Variants in GRID2 observed in about 807,000 individuals in gnomAD.
GRID2 encodes glutamate ionotropic receptor delta type subunit 2.
A neutral mutation model predicts 114.8 loss-of-function variants in GRID2; 33 were observed. The ratio of observed to expected loss-of-function variants is 0.29; its 90% CI spans 0.22 to 0.38. The LOEUF (loss-of-function observed/expected upper bound fraction) is 0.38, where lower values mean the gene tolerates loss of function less well. Ranked by LOEUF, GRID2 falls within the 10% of genes least tolerant of loss-of-function variation. The pLI, the probability that GRID2 is intolerant of heterozygous loss-of-function variation, is 1.00. For synonymous variants in GRID2, 505 were observed against 449.9 expected, an observed-to-expected ratio of 1.12 and a Z score of -1.55; for missense variants, 1,184 against 1,257.7, an observed-to-expected ratio of 0.94 and a Z score of 0.89.
intron 10 of GRID2, among the ~76,000 whole-genome samples, chr4:93,444,718 A>G (rs1166730224): frequency 1.3e-5 from 2 of 152,014 alleles, no homozygotes; most frequent in African/African-American, 4.8e-5. Context: ...AGTGACAAAA[A>G]TAATTATTGC....
At chr4:93,369,349 C>T (rs1260385766) in intron 8 of GRID2, among the ~76,000 whole-genome samples, 1 of 152,202 alleles carries the variant, frequency 6.6e-6, no homozygotes, top group African/African-American at 2.4e-5. Flanking sequence ...ACTCTCCCCT[C>T]TCAATACTTA....
intron 14 of GRID2, among the ~76,000 whole-genome samples, chr4:93,743,608 A>G (rs933057346): frequency 6.6e-6 from 1 of 152,292 alleles, no homozygotes; most frequent in South Asian, 2.1e-4. Flanking sequence ...TTCCATGGTG[A>G]GAGAGGAAGC....
chr4:93,031,492 C>T (rs551018921), intron 2 of GRID2, among the ~76,000 whole-genome samples: 69 of 152,302 alleles, frequency 4.5e-4, no homozygotes, highest in Non-Finnish European at 8.5e-4. Context: ...TGTGTTCCCA[C>T]CCAAATCTCA....
At chr4:93,591,414 C>T (rs867093283) in intron 13 of GRID2, among the ~76,000 whole-genome samples, 3,312 of 150,812 alleles carry the variant, frequency 0.022, 59 homozygotes, top group East Asian at 0.067. Flanking sequence ...GCCCACTTGA[C>T]CATGGTGGAT....
chr4:93,091,796 A>G (rs1195461906), intron 3 of GRID2, among the ~76,000 whole-genome samples: 6 of 152,136 alleles, frequency 3.9e-5, no homozygotes. Flanking sequence ...CCAGAATCAT[A>G]TCAATAAAAC....
At chr4:93,287,741 C>T (rs947388178) in intron 8 of GRID2, among the ~76,000 whole-genome samples, 1 of 152,156 alleles carries the variant, frequency 6.6e-6, no homozygotes, top group African/African-American at 2.4e-5. Flanking sequence ...CTAGGAAAGG[C>T]TAAATTCACT....
chr4:92,611,092 A>G (rs1395600288), intron 2 of GRID2, among the ~76,000 whole-genome samples: 5 of 135,212 alleles, frequency 3.7e-5, no homozygotes, highest in African/African-American at 5.1e-5. Flanking sequence ...GTGTATATAT[A>G]TGTGTGTGTG....
At position 93,455,875 on chromosome 4, in the gene GRID2, T is replaced by C; in HGVS notation, c.1759T>C (p.Leu587=). 6.2e-7 allele frequency: 1 copy of C among 1,609,448 alleles called. No homozygotes were observed. Among genetic ancestry groups the C allele is most frequent in the South Asian group, 1.1e-5 (1 of 91,014 alleles). The change falls in exon 11 of 16, where the codon TTG becomes CTG. Residue 587 remains leucine, a synonymous_variant. Transcript: ENST00000282020. ...VLLVGLLVYL[L]NWLNPPRLQM... ...TCTGGTGGGTCTACTGGTCTACCTC[T>C]TGAACTGGCTTAATCCCCCACGATT...
At chr4:93,087,724 C>G (rs916296205) in intron 3 of GRID2, among the ~76,000 whole-genome samples, 1 of 152,060 alleles carries the variant, frequency 6.6e-6, no homozygotes, top group African/African-American at 2.4e-5. Context: ...AAAAATATTT[C>G]TGCTTCTATC....
At chr4:92,519,449 T>TCAC (rs1397318956) in intron 1 of GRID2, among the ~76,000 whole-genome samples, 4 of 151,560 alleles carry the variant, frequency 2.6e-5, no homozygotes, top group Non-Finnish European at 5.9e-5. Flanking sequence ...AAAAAGTAAT[T>TCAC]CACCTAGAAA....
intron 2 of GRID2, among the ~76,000 whole-genome samples, chr4:92,690,927 G>A (rs1734151839): frequency 6.6e-6 from 1 of 151,886 alleles, no homozygotes; most frequent in Non-Finnish European, 1.5e-5. Context: ...AGCCTTGTCT[G>A]GAAACAAAAA....
chr4:93,055,427 A>T (rs36072295), intron 2 of GRID2, among the ~76,000 whole-genome samples: 7,142 of 151,190 alleles, frequency 0.047, 260 homozygotes, highest in East Asian at 0.12. Flanking sequence ...CTAGATGACG[A>T]GTTACTGGGT....
At chr4:92,326,963 G>A (rs1201027136) in intron 1 of GRID2, among the ~76,000 whole-genome samples, 1 of 151,758 alleles carries the variant, frequency 6.6e-6, no homozygotes, top group African/African-American at 2.4e-5. Context: ...CTTTCCTAGA[G>A]CCCTCTCTGA....
At chr4:93,666,766 C>T (rs1228874627) in intron 14 of GRID2, among the ~76,000 whole-genome samples, 4 of 151,978 alleles carry the variant, frequency 2.6e-5, no homozygotes, top group African/African-American at 9.7e-5. Context: ...GACTAAGTAG[C>T]TTCTCAGATA....
chr4:93,711,331 G>C (rs930427772), intron 14 of GRID2, among the ~76,000 whole-genome samples: 2 of 152,148 alleles, frequency 1.3e-5, no homozygotes, highest in African/African-American at 4.8e-5. Flanking sequence ...TAAAGGCAGA[G>C]GGTTCCCTTC....
intron 1 of GRID2, among the ~76,000 whole-genome samples, chr4:92,410,027 T>C (rs1289346788): frequency 1.3e-5 from 2 of 152,208 alleles, no homozygotes; most frequent in Admixed American, 6.5e-5. Flanking sequence ...ATTTAATGAA[T>C]AAGAAAATAT....
At chr4:93,192,196 G>A (rs11930015) in intron 4 of GRID2, among the ~76,000 whole-genome samples, 11,361 of 152,144 alleles carry the variant, frequency 0.075, 446 homozygotes, top group East Asian at 0.16. Flanking sequence ...ACAAAATGGG[G>A]CAACCAGCAA....
chr4:92,958,478 T>C (rs1389427755), intron 2 of GRID2, among the ~76,000 whole-genome samples: 3 of 152,122 alleles, frequency 2.0e-5, no homozygotes, highest in Non-Finnish European at 2.9e-5. Flanking sequence ...TATTAATTGA[T>C]TCTGGAATAT....
At chr4:93,045,539 T>C (rs902890271) in intron 2 of GRID2, among the ~76,000 whole-genome samples, 1 of 152,166 alleles carries the variant, frequency 6.6e-6, no homozygotes, top group African/African-American at 2.4e-5. Flanking sequence ...GAAAGAAATA[T>C]TGCCATGAAA....
Sources: gnomAD v4.1 joint callset for allele counts (sites outside exome capture counted in the v4.1 genomes callset) on GRCh38, gnomAD v4.1.1 for gene constraint, MANE v1.5 for transcripts, NCBI Gene and HGNC (gene_info 2026-07-23, HGNC 2026-07-21) for gene names.